MGME1: variants seen among roughly 807,000 people sequenced by gnomAD.
MGME1 encodes the protein chromosome 20 open reading frame 72.
MGME1 carries 22 observed loss-of-function variants against 33.0 expected under a neutral mutation model. The observed-to-expected ratio is 0.67, with a 90% CI of 0.48 to 0.95. The LOEUF is 0.95. Among genes scored for constraint, MGME1 ranks in the 40% least tolerant of loss-of-function variants. The pLI, the probability that MGME1 is intolerant of heterozygous loss-of-function variation, is 0.00. For missense variants in MGME1, 383 were observed against 397.8 expected, an observed-to-expected ratio of 0.96 and a Z score of 0.32; for synonymous variants, 133 against 144.0, an observed-to-expected ratio of 0.92 and a Z score of 0.55.
Position 17,975,825 on chromosome 20 carries a change from G to C in MGME1, c.653G>C (p.Gly218Ala). ...CAGCATATTCTGAAAGATGTCAGTG[G>C]AGTGCGAGCTCTTGAAAGTGCTGTT... ...SVQHILKDVS[G>A]VRALESAVQH... Residue 218 changes from glycine to alanine, a missense_variant, in exon 3 of 5, where the codon GGA becomes GCA. Coordinates refer to ENST00000377710, the MANE Select transcript of MGME1 (RefSeq NM_052865.4). 1 of 1,614,170 alleles carries C rather than the reference G, an allele frequency of 6.2e-7. No individual in the cohort carries two copies. Among genetic ancestry groups the C allele is most frequent in the Non-Finnish European group, 8.5e-7 (1 of 1,180,016 alleles).
At chr20:17,972,309 CA>C (rs1219872473) in intron 2 of MGME1, among the ~76,000 whole-genome samples, 1 of 152,026 alleles carries the variant, frequency 6.6e-6, no homozygotes, top group Non-Finnish European at 1.5e-5. Context: ...GGCATTCTTC[CA>C]AATACTTGAG....
Position 17,970,117 on chromosome 20 carries a change from G to A in MGME1, c.258G>A (p.Lys86=), listed in dbSNP as rs1232657334. 3.1e-6 allele frequency: 5 copies of A among 1,614,250 alleles called. No homozygotes were observed. ...ALLCGPVSKH[K]LPNQGEDRRV... is the part of the protein sequence containing the mutation. ...TCTGTGGACCCGTGAGCAAGCATAAGCTGCCAAACCAAGGTGAGGACAGAC... is the reference window on the plus strand; with the variant it reads ...TCTGTGGACCCGTGAGCAAGCATAAACTGCCAAACCAAGGTGAGGACAGAC... The change falls in exon 2 of 5, where the codon AAG becomes AAA. Residue 86 remains lysine, a synonymous_variant. Coordinates refer to ENST00000377710, the MANE Select transcript of MGME1 (RefSeq NM_052865.4).
chr20:17,972,159 G>A, intron 2 of MGME1, among the ~76,000 whole-genome samples: 1 of 152,138 alleles, frequency 6.6e-6, no homozygotes, highest in East Asian at 1.9e-4. Context: ...CGGGTCTGGA[G>A]GATACTGGAT....
At chr20:17,985,947 C>T (rs2036143615) in intron 3 of MGME1, among the ~76,000 whole-genome samples, 1 of 152,172 alleles carries the variant, frequency 6.6e-6, no homozygotes, top group Non-Finnish European at 1.5e-5. Flanking sequence ...TGAAATCAGG[C>T]AGTGTGATGC....
Position 17,988,176 on chromosome 20 carries a change from T to C in MGME1, c.742T>C (p.Cys248Arg). ...GTGGTTTCTCTTTAGGGGCAAGCTC[T>C]GTGTGATTGATTGGAAGACATCAGA... ...DCVAEYQGKL[C>R]VIDWKTSEKP... The change falls in exon 4 of 5, where the codon TGT (cysteine) becomes CGT (arginine). Residue 248 changes from cysteine (C) to arginine (R), a missense_variant. By Grantham distance (180) the Cys-to-Arg change is radical. Transcript: ENST00000377710. 6.2e-7 allele frequency: 1 copy of C among 1,613,528 alleles called. No homozygotes were observed.
intron 2 of MGME1, 23 bp from the exon 3 acceptor site, chr20:17,975,661 C>A: frequency 3.1e-6 from 5 of 1,589,016 alleles, no homozygotes; most frequent in Non-Finnish European, 4.3e-6. Flanking sequence ...CCCCCCTCCC[C>A]TTTTCCCTGA....
At chr20:17,975,537 CAGAG>C (rs762520078) in intron 2 of MGME1, 143 bp from the exon 3 acceptor site, 24 of 623,326 alleles carry the variant, frequency 3.9e-5, no homozygotes, top group Non-Finnish European at 6.0e-5. Context: ...GCCTGGGCGA[CAGAG>C]GGAGACTCCA....
intron 2 of MGME1, among the ~76,000 whole-genome samples, chr20:17,971,369 GAT>G (rs1454948037): frequency 7.2e-5 from 11 of 152,170 alleles, no homozygotes; most frequent in Non-Finnish European, 1.5e-4. Flanking sequence ...GCCTTCCTAA[GAT>G]AGTTAATTAG....
At chr20:17,983,773 C>A (rs2036090483) in intron 3 of MGME1, among the ~76,000 whole-genome samples, 1 of 152,144 alleles carries the variant, frequency 6.6e-6, no homozygotes, top group South Asian at 2.1e-4. Flanking sequence ...AGCTCCTTTG[C>A]CCATTTTTTA....
rs115922799 is a variant in MGME1 at position 17,990,620 on chromosome 20, T to C, written c.*511T>C. 9.8e-4 allele frequency: 154 copies of C among 157,616 alleles called. No individual in the cohort carries two copies. Among genetic ancestry groups the C allele is most frequent in the African/African-American group, 3.4e-3 (143 of 41,696 alleles). 9.8% of individuals were successfully genotyped at this position (157,616 alleles called of 1,614,324 possible). On this transcript the variant is annotated 3_prime_UTR_variant, in exon 5 of 5. Coordinates refer to ENST00000377710, the MANE Select transcript of MGME1 (RefSeq NM_052865.4). ...TTGTTTCATACATTGGGGTTTTCTA[T>C]ATATTTCAGCTGGGAAAAGCTTACA...
Position 17,989,939 on chromosome 20 carries a change from G to A in MGME1, c.865G>A (p.Val289Ile), listed in dbSNP as rs777823089. ...AGAATTGCCCTGTGTTTCTTCCTAG[G>A]TTCAATGTGGCTTAATTGTGGTGGC... is the stretch of plus-strand genomic sequence containing the variant. ...MNHDTNYSFQ[V>I]QCGLIVVAYK... Residue 289 changes from valine (V) to isoleucine (I), a missense_variant and splice_region_variant, in exon 5 of 5, where the codon GTT becomes ATT. Val to Ile is a conservative substitution (Grantham distance 29). Transcript: ENST00000377710. 6.2e-7 allele frequency: 1 copy of A among 1,613,580 alleles called. No individual in the cohort carries two copies. Among genetic ancestry groups the A allele is most frequent in the South Asian group, 1.1e-5 (1 of 90,964 alleles).
chr20:17,980,841 A>G (rs1231789127), intron 3 of MGME1, among the ~76,000 whole-genome samples: 2 of 152,082 alleles, frequency 1.3e-5, no homozygotes. Context: ...ATTAGTTTAT[A>G]TAGATCTGTA....
At chr20:17,978,536 C>T (rs1031798221) in intron 3 of MGME1, among the ~76,000 whole-genome samples, 5 of 151,974 alleles carry the variant, frequency 3.3e-5, no homozygotes, top group African/African-American at 1.2e-4. Flanking sequence ...AGCACAACTG[C>T]GTCATATCTG....
In MGME1 at chr20:17,975,747, C is replaced by T; in HGVS notation, c.575C>T (p.Thr192Ile). 1.9e-6 allele frequency: 3 copies of T among 1,613,976 alleles called. No individual in the cohort carries two copies. The highest frequency in any genetic ancestry group is 1.7e-6 in the Non-Finnish European group (2 of 1,180,000). ...GAAAGCATACTTTCACCCCAGGAAA[C>T]CTTAAAAGAGAGAGATGAAAATCTC... is the stretch of plus-strand genomic sequence containing the variant. ...ALESILSPQE[T>I]LKERDENLLK... Residue 192 changes from threonine to isoleucine, a missense_variant, in exon 3 of 5, where the codon ACC becomes ATC. Transcript: ENST00000377710.
chr20:17,969,973 G>A lies in MGME1; in HGVS notation c.114G>A (p.Lys38=), dbSNP rs142670810. Residue 38 remains lysine, a synonymous_variant, in exon 2 of 5, where the codon AAG becomes AAA. Transcript: ENST00000377710. Reference sequence around the variant, plus strand: ...CTTCCTCTTACTCATGTGGCCGGAAGAAAAAAGTGAACCCATATGAAGAAG... The same window carrying A: ...CTTCCTCTTACTCATGTGGCCGGAAAAAAAAAGTGAACCCATATGAAGAAG... ...FSTSSYSCGR[K]KKVNPYEEVD... 1,595 of 1,614,092 alleles carry A rather than the reference G, an allele frequency of 9.9e-4. 3 individuals carry two copies. The highest frequency in any genetic ancestry group is 1.1e-3 in the Non-Finnish European group (1,325 of 1,180,014).
intron 3 of MGME1, among the ~76,000 whole-genome samples, chr20:17,978,387 T>G (rs964984017): frequency 1.3e-5 from 2 of 152,078 alleles, no homozygotes; most frequent in African/African-American, 4.8e-5. Flanking sequence ...GTGTTATTAG[T>G]AGAGATGGGG....
upstream of MGME1, chr20:17,968,797 C>A: frequency 7.4e-6 from 2 of 271,350 alleles, no homozygotes; most frequent in South Asian, 5.9e-5. Context: ...AGAGAAAGAC[C>A]GCGTTTCGGT....
chr20:17,973,636 G>A (rs2035784065), intron 2 of MGME1, among the ~76,000 whole-genome samples: 2 of 69,056 alleles, frequency 2.9e-5, no homozygotes, highest in South Asian at 1.2e-3. Flanking sequence ...GTAAGACCCT[G>A]TCTCAAAAAA....
rs896765809 is a variant in MGME1 at position 17,990,422 on chromosome 20, G to T, written c.*313G>T. On this transcript the variant is annotated 3_prime_UTR_variant, in exon 5 of 5. Coordinates refer to ENST00000377710, the MANE Select transcript of MGME1 (RefSeq NM_052865.4). Reference sequence around the variant, plus strand: ...CCTTGAGGGACATTGGGGGGGGGGGGGCGTGGTCCCAGGCAGGATGCCCAG... The same window carrying T: ...CCTTGAGGGACATTGGGGGGGGGGGTGCGTGGTCCCAGGCAGGATGCCCAG... The T allele has an allele frequency of 1.5e-4, 44 of 302,116 alleles. 7 individuals are homozygous for T. The Admixed American group carries it at 2.1e-3, about 15-fold the overall frequency. 18.7% of individuals were successfully genotyped at this position (302,116 alleles called of 1,614,324 possible).
Sources: gnomAD v4.1 joint callset for allele counts (sites outside exome capture counted in the v4.1 genomes callset) on GRCh38, gnomAD v4.1.1 for gene constraint, MANE v1.5 for transcripts, NCBI Gene and HGNC (gene_info 2026-07-23, HGNC 2026-07-21) for gene names.